KIAA1328: variants seen among roughly 807,000 people sequenced by gnomAD.
KIAA1328 encodes the protein protein hinderin.
KIAA1328 carries 52 observed loss-of-function variants against 68.1 expected under a neutral mutation model. The ratio of observed to expected loss-of-function variants is 0.76; its 90% CI spans 0.61 to 0.96. The LOEUF is 0.96. Ranked by LOEUF, KIAA1328 falls within the 40% of genes least tolerant of loss-of-function variation. The pLI, the probability that KIAA1328 is intolerant of heterozygous loss-of-function variation, is 0.00. For synonymous variants in KIAA1328, 232 were observed against 239.4 expected (o/e 0.97, Z 0.28); for missense variants, 641 against 677.6 (o/e 0.95, Z 0.60).
At chr18:36,944,920 C>G (rs969479146) in intron 5 of KIAA1328, among the ~76,000 whole-genome samples, 1 of 152,152 alleles carries the variant, frequency 6.6e-6, no homozygotes, top group Non-Finnish European at 1.5e-5. Flanking sequence ...ACTGAGGAAA[C>G]AGAGACTGTG....
At chr18:37,199,428 C>T (rs1486933783) in intron 9 of KIAA1328, among the ~76,000 whole-genome samples, 1 of 152,182 alleles carries the variant, frequency 6.6e-6, no homozygotes, top group Non-Finnish European at 1.5e-5. Flanking sequence ...GACATTATCT[C>T]ATTCCTTTTT....
chr18:37,012,173 C>G (rs546775838), intron 6 of KIAA1328, among the ~76,000 whole-genome samples: 2 of 152,252 alleles, frequency 1.3e-5, no homozygotes, highest in East Asian at 3.9e-4. Context: ...TATACTAAGA[C>G]AGTAATTCTC....
Position 37,066,946 on chromosome 18 carries a change from C to G in KIAA1328, c.633C>G (p.Tyr211Ter). The change falls in exon 7 of 10, where the codon TAC (tyrosine) becomes TAG (stop). Residue 211 changes from tyrosine (Y) to a stop codon, truncating the protein, a stop_gained. Coordinates refer to ENST00000280020, the MANE Select transcript of KIAA1328 (RefSeq NM_020776.3). LOFTEE classifies it high-confidence loss of function. ...CATCTGTGGAACTGGATGGTTCCTA[C>G]TTGAGCATAGCCAGACCACAGACCT... ...QCSSVELDGS[Y>*]LSIARPQTYY... 1 of 1,611,096 alleles carries G rather than the reference C, an allele frequency of 6.2e-7. No homozygotes were observed. Among genetic ancestry groups the G allele is most frequent in the South Asian group, 1.1e-5 (1 of 90,470 alleles).
intron 7 of KIAA1328, among the ~76,000 whole-genome samples, chr18:37,087,070 CTTTG>C (rs2057126795): frequency 6.6e-6 from 1 of 151,840 alleles, no homozygotes; most frequent in East Asian, 1.9e-4. Flanking sequence ...TTGTTTGTTT[CTTTG>C]TTTGAGACAG....
intron 6 of KIAA1328, among the ~76,000 whole-genome samples, chr18:37,064,560 G>A (rs889107491): frequency 2.3e-4 from 32 of 136,780 alleles, no homozygotes; most frequent in Non-Finnish European, 4.6e-4. Context: ...ATATGACCAT[G>A]TCTTAATTCC....
At chr18:37,084,382 G>C (rs2057036821) in intron 7 of KIAA1328, 1 of 356,236 alleles carries the variant, frequency 2.8e-6, no homozygotes, top group South Asian at 1.4e-4. Flanking sequence ...GAAAAATATA[G>C]AAAAATATGA....
intron 6 of KIAA1328, among the ~76,000 whole-genome samples, chr18:37,009,189 G>GAA (rs150367130): frequency 0.03 from 4,608 of 152,224 alleles, 240 homozygotes; most frequent in African/African-American, 0.11. Context: ...TTCTGTGACA[G>GAA]AGACTGCCAT....
chr18:36,941,162 C>T (rs1273686563), intron 5 of KIAA1328, among the ~76,000 whole-genome samples: 1 of 152,072 alleles, frequency 6.6e-6, no homozygotes, highest in African/African-American at 2.4e-5. Flanking sequence ...GTTTGAATAG[C>T]AAAAGGGACA....
intron 9 of KIAA1328, among the ~76,000 whole-genome samples, chr18:37,188,194 G>C (rs1342110200): frequency 2.6e-5 from 4 of 152,180 alleles, no homozygotes; most frequent in African/African-American, 9.6e-5. Context: ...ATAGCTCAGA[G>C]GGGAGTCCTT....
chr18:37,012,378 A>G (rs144549578), intron 6 of KIAA1328, among the ~76,000 whole-genome samples: 92 of 152,294 alleles, frequency 6.0e-4, no homozygotes, highest in African/African-American at 2.1e-3. Context: ...GAAAACTAAA[A>G]TGTATTCCCT....
chr18:36,901,931 A>AACTACT (rs574600879), intron 5 of KIAA1328: 2 of 152,006 alleles, frequency 1.3e-5, no homozygotes, highest in Non-Finnish European at 2.9e-5. Flanking sequence ...ATTTTGAAGA[A>AACTACT]ACTACTATAG....
At chr18:36,838,340 A>T (rs866429111) in intron 3 of KIAA1328, among the ~76,000 whole-genome samples, 1 of 152,210 alleles carries the variant, frequency 6.6e-6, no homozygotes, top group Non-Finnish European at 1.5e-5. Context: ...AAATTTTACA[A>T]ATGCAACAGA....
intron 4 of KIAA1328, among the ~76,000 whole-genome samples, chr18:36,863,202 G>A (rs763052417): frequency 1.3e-4 from 20 of 151,052 alleles, no homozygotes; most frequent in Non-Finnish European, 2.9e-4. Flanking sequence ...CCCTTTTTAA[G>A]CCCATGATCC....
chr18:37,077,618 A>G (rs2056788914), intron 7 of KIAA1328, among the ~76,000 whole-genome samples: 1 of 151,834 alleles, frequency 6.6e-6, no homozygotes, highest in African/African-American at 2.4e-5. Flanking sequence ...TAAGCTGATA[A>G]GCAACTTCAG....
chr18:36,909,302 G>T (rs1817029428), intron 5 of KIAA1328, among the ~76,000 whole-genome samples: 1 of 144,810 alleles, frequency 6.9e-6, no homozygotes, highest in Admixed American at 7.0e-5. Context: ...CCCACGACAG[G>T]CCCCGTTGTG....
intron 7 of KIAA1328, among the ~76,000 whole-genome samples, chr18:37,103,746 G>A (rs2057691817): frequency 6.6e-6 from 1 of 150,992 alleles, no homozygotes. Flanking sequence ...TATATACAAA[G>A]TATTCATCAG....
intron 5 of KIAA1328, among the ~76,000 whole-genome samples, chr18:36,891,978 A>G (rs946493164): frequency 2.6e-5 from 4 of 152,234 alleles, no homozygotes; most frequent in Non-Finnish European, 5.9e-5. Flanking sequence ...AATAGGTAAG[A>G]GAAAATTCAC....
In KIAA1328 at chr18:36,959,333, C is replaced by T. The variant is rs370252799; in HGVS notation, c.474C>T (p.Cys158=). The change falls in exon 6 of 10, where the codon TGC becomes TGT. Residue 158 remains cysteine (C), a synonymous_variant. Coordinates refer to ENST00000280020, the MANE Select transcript of KIAA1328 (RefSeq NM_020776.3). ...CTCTTCAGCTACAGTATAGAGAATG[C>T]CAAGAACTTCTAAGCCTGTATCAGA... ...REALQLQYRE[C]QELLSLYQKY... 6.2e-7 allele frequency: 1 copy of T among 1,601,548 alleles called. No individual in the cohort carries two copies. Among genetic ancestry groups the T allele is most frequent in the African/African-American group, 1.3e-5 (1 of 74,522 alleles).
chr18:37,013,995 C>G (rs1257261922), intron 6 of KIAA1328, among the ~76,000 whole-genome samples: 1 of 152,198 alleles, frequency 6.6e-6, no homozygotes, highest in Non-Finnish European at 1.5e-5. Flanking sequence ...TCCGCATCCT[C>G]GCCAGCATCT....
Sources: gnomAD v4.1 joint callset for allele counts (sites outside exome capture counted in the v4.1 genomes callset) on GRCh38, gnomAD v4.1.1 for gene constraint, MANE v1.5 for transcripts, NCBI Gene and HGNC (gene_info 2026-07-23, HGNC 2026-07-21) for gene names.